The following ARPP21 variants were observed in gnomAD, a reference collection of about 807,000 sequenced individuals.
ARPP21 encodes cAMP-regulated phosphoprotein 21.
ARPP21 carries 69 observed loss-of-function variants against 113.2 expected under a neutral mutation model. The ratio of observed to expected loss-of-function variants is 0.61; its 90% CI spans 0.50 to 0.74. The LOEUF (loss-of-function observed/expected upper bound fraction) is 0.74, where lower values mean the gene tolerates loss of function less well. ARPP21 is among the 30% of genes least tolerant of loss of function. ARPP21 has a pLI of 0.00. For synonymous variants in ARPP21, 368 were observed against 375.5 expected (o/e 0.98, Z 0.23); for missense variants, 1,070 against 1,037.4 (o/e 1.03, Z -0.43).
intron 16 of ARPP21, among the ~76,000 whole-genome samples, chr3:35,737,968 G>T (rs577821842): frequency 2.2e-4 from 34 of 152,148 alleles, no homozygotes; most frequent in Admixed American, 4.6e-4. Flanking sequence ...CAGACCCAGA[G>T]GATCTAACCA....
intron 19 of ARPP21, among the ~76,000 whole-genome samples, chr3:35,765,440 C>T (rs547319499): frequency 6.6e-6 from 1 of 152,208 alleles, no homozygotes; most frequent in East Asian, 1.9e-4. Flanking sequence ...TTAACTGGAT[C>T]CCCTCTTTCA....
intron 15 of ARPP21, among the ~76,000 whole-genome samples, 180 bp from the exon 16 acceptor site, chr3:35,736,998 A>C (rs558285154): frequency 6.6e-6 from 1 of 152,232 alleles, no homozygotes; most frequent in African/African-American, 2.4e-5. Context: ...ACTGTCACCT[A>C]GCTTAAGCGA....
chr3:35,694,803 T>C (rs1346107573), intron 9 of ARPP21, among the ~76,000 whole-genome samples: 1 of 150,846 alleles, frequency 6.6e-6, no homozygotes, highest in Non-Finnish European at 1.5e-5. Flanking sequence ...TATCATTAAG[T>C]AACAGAGCCT....
At chr3:35,788,430 T>C (rs144094085) in intron 19 of ARPP21, among the ~76,000 whole-genome samples, 3 of 152,270 alleles carry the variant, frequency 2.0e-5, no homozygotes, top group African/African-American at 7.2e-5. Context: ...ATATTAAGAT[T>C]ACTTCCCTTA....
chr3:35,687,130 TTAG>T (rs1233985891), intron 5 of ARPP21, among the ~76,000 whole-genome samples: 5 of 151,406 alleles, frequency 3.3e-5, no homozygotes, highest in African/African-American at 9.6e-5. Context: ...TAATGATTTA[TTAG>T]TAGTATTTAT....
chr3:35,744,066 G>A (rs1382788821), intron 19 of ARPP21, 101 bp downstream of exon 19: 5 of 1,264,606 alleles, frequency 4.0e-6, no homozygotes, highest in Non-Finnish European at 5.7e-6. Context: ...ATTTAAACCA[G>A]CACATTTTCT....
chr3:35,727,705 A>C (rs530788186), intron 14 of ARPP21, among the ~76,000 whole-genome samples: 58 of 152,316 alleles, frequency 3.8e-4, no homozygotes, highest in Non-Finnish European at 7.2e-4. Flanking sequence ...GCAACCTGTG[A>C]TATTACACAA....
intron 19 of ARPP21, among the ~76,000 whole-genome samples, chr3:35,780,606 T>C (rs2096500653): frequency 6.6e-6 from 1 of 152,046 alleles, no homozygotes; most frequent in Non-Finnish European, 1.5e-5. Context: ...GGCTAAACAA[T>C]AGGAATTCAA....
chr3:35,685,642 C>T, intron 5 of ARPP21: 2 of 984,950 alleles, frequency 2.0e-6, no homozygotes, highest in Non-Finnish European at 2.4e-6. Context: ...GTGGGAAAAA[C>T]TCTTGCTACC....
chr3:35,729,502 C>A lies in ARPP21; in HGVS notation c.1425C>A (p.Ile475=). 1.2e-6 allele frequency: 2 copies of A among 1,614,190 alleles called. No homozygotes were observed. Among genetic ancestry groups the A allele is most frequent in the Non-Finnish European group, 1.7e-6 (2 of 1,180,032 alleles). The change falls in exon 15 of 21, where the codon ATC becomes ATA. Residue 475 remains isoleucine (I), a synonymous_variant. Transcript: ENST00000684406. ...TTCCACTTGAAGCTGCAACAGGCAT[C>A]CCGCCTGGAAGCATCCTTCTTAATC... ...ILLPLEAATG[I]PPGSILLNPH...
intron 17 of ARPP21, among the ~76,000 whole-genome samples, chr3:35,738,559 A>G (rs193026987): frequency 1.6e-3 from 242 of 152,270 alleles, no homozygotes; most frequent in Non-Finnish European, 2.8e-3. Flanking sequence ...TTCAGAGTAT[A>G]CCAGCAAAGA....
intron 15 of ARPP21, among the ~76,000 whole-genome samples, chr3:35,731,978 C>T (rs1411286013): frequency 6.6e-6 from 1 of 151,990 alleles, no homozygotes; most frequent in Non-Finnish European, 1.5e-5. Flanking sequence ...GTTGCTTCTC[C>T]AGAATGGATA....
Position 35,723,261 on chromosome 3 carries a change from T to C in ARPP21, c.1225+1427T>C, listed in dbSNP as rs529821690. On this transcript the variant is annotated intron_variant, in intron 14 of 20. Coordinates refer to ENST00000684406, the MANE Select transcript of ARPP21 (RefSeq NM_001385562.1). ...AGGGGTTCCCCACCTCCATGCAAAATCTGGGTTCATTTGCTAATGGTTTAA... is the reference window on the plus strand; with the variant it reads ...AGGGGTTCCCCACCTCCATGCAAAACCTGGGTTCATTTGCTAATGGTTTAA... 2.0e-5 allele frequency among the ~76,000 whole-genome samples: 3 copies of C among 152,306 alleles called. No homozygotes were observed. The East Asian group carries it at 5.8e-4, about 29-fold the overall frequency.
chr3:35,706,815 A>G (rs1265456751), intron 9 of ARPP21, among the ~76,000 whole-genome samples, 159 bp from the exon 10 acceptor site: 1 of 152,232 alleles, frequency 6.6e-6, no homozygotes, highest in Non-Finnish European at 1.5e-5. Context: ...ATGTGAAGTG[A>G]CATATTATTA....
Position 35,687,858 on chromosome 3 carries a change from A to C in ARPP21, c.381A>C (p.Lys127Asn). The C allele has an allele frequency of 6.3e-7, 1 of 1,588,114 alleles. No homozygotes were observed. The highest frequency in any genetic ancestry group is 8.5e-7 in the Non-Finnish European group (1 of 1,171,384). The change falls in exon 6 of 21, where the codon AAA becomes AAC. Residue 127 changes from lysine to asparagine, a missense_variant. Coordinates refer to ENST00000684406, the MANE Select transcript of ARPP21 (RefSeq NM_001385562.1). ...AAAACAAAGATAAAACCTCTGAAAA[A>C]CCCAAGATCAGAATGTTATCAAAAG... ...KDKNKDKTSE[K>N]PKIRMLSKDC...
intron 1 of ARPP21, chr3:35,642,494 A>T (rs1698458066): frequency 1.3e-5 from 2 of 152,172 alleles, no homozygotes; most frequent in African/African-American, 4.8e-5. Flanking sequence ...TTAGAGAATT[A>T]TACATGAATA....
intron 9 of ARPP21, among the ~76,000 whole-genome samples, chr3:35,705,897 G>T (rs1219239493): frequency 6.6e-6 from 1 of 152,106 alleles, no homozygotes; most frequent in African/African-American, 2.4e-5. Context: ...TTCTCATCAA[G>T]ATTTGAATTA....
intron 9 of ARPP21, among the ~76,000 whole-genome samples, chr3:35,692,205 C>G (rs1053830055): frequency 1.3e-4 from 20 of 151,760 alleles, no homozygotes; most frequent in African/African-American, 4.3e-4. Context: ...CAGAATCATT[C>G]AGTCCTGTAG....
intron 10 of ARPP21, among the ~76,000 whole-genome samples, chr3:35,708,581 C>CT (rs2090035990): frequency 6.6e-6 from 1 of 152,238 alleles, no homozygotes; most frequent in Non-Finnish European, 1.5e-5. Context: ...GCCACTTCCT[C>CT]TTTTTTCACC....
Sources: allele counts gnomAD v4.1 joint callset (sites outside exome capture counted in the v4.1 genomes callset), GRCh38; gene constraint gnomAD v4.1.1; transcripts MANE v1.5; gene names NCBI Gene and HGNC (gene_info 2026-07-23, HGNC 2026-07-21).